The following PCDHA6 variants were observed in gnomAD, a reference collection of about 807,000 sequenced individuals.
PCDHA6 encodes the protein protocadherin alpha-6.
Under a neutral mutation model 60.3 loss-of-function variants are expected in PCDHA6, and 55 were observed. The ratio of observed to expected loss-of-function variants is 0.91; its 90% CI spans 0.73 to 1.14. PCDHA6 has a LOEUF of 1.14. PCDHA6 is among the 50% of genes most tolerant of loss of function. The pLI is 0.00. For synonymous variants in PCDHA6, 652 were observed against 557.9 expected (o/e 1.17, Z -2.38); for missense variants, 1,327 against 1,256.5 (o/e 1.06, Z -0.85).
intron 1 of PCDHA6, chr5:140,835,737 G>A: frequency 6.2e-7 from 1 of 1,613,716 alleles, no homozygotes; most frequent in Non-Finnish European, 8.5e-7. Flanking sequence ...GAACGACAAC[G>A]CCCCGGCGTT....
chr5:141,004,632 GA>G (rs1401867459), intron 3 of PCDHA6, among the ~76,000 whole-genome samples: 19 of 152,200 alleles, frequency 1.2e-4, no homozygotes, highest in African/African-American at 3.4e-4. Context: ...TATGGTTGAA[GA>G]AAAATTTCCA....
At chr5:140,901,697 C>T (rs57431111) in intron 1 of PCDHA6, among the ~76,000 whole-genome samples, 1,867 of 152,140 alleles carry the variant, frequency 0.012, 40 homozygotes, top group African/African-American at 0.043. Context: ...TTTTGTAGTT[C>T]TATATACATT....
intron 1 of PCDHA6, among the ~76,000 whole-genome samples, chr5:140,970,086 G>T (rs1263388270): frequency 6.6e-6 from 1 of 152,102 alleles, no homozygotes; most frequent in Non-Finnish European, 1.5e-5. Flanking sequence ...TTAGGGGTGT[G>T]GGGGGATGGT....
chr5:140,858,857 T>G (rs1461225886), intron 1 of PCDHA6: 1 of 267,642 alleles, frequency 3.7e-6, no homozygotes, highest in African/African-American at 2.3e-5. Flanking sequence ...CTATATCTCT[T>G]CAGTGAAAAT....
At chr5:140,833,827 G>C (rs2150211606) in intron 1 of PCDHA6, among the ~76,000 whole-genome samples, 3 of 152,222 alleles carry the variant, frequency 2.0e-5, no homozygotes, top group African/African-American at 7.2e-5. Flanking sequence ...GTCCCTAAAA[G>C]AGTACAGGAT....
intron 1 of PCDHA6, among the ~76,000 whole-genome samples, chr5:140,921,323 G>C (rs192159885): frequency 7.2e-4 from 109 of 151,970 alleles, no homozygotes; most frequent in African/African-American, 2.6e-3. Context: ...GAGCTAATCT[G>C]TCTGGTCCAA....
rs147351924 is a variant in PCDHA6, at chr5:141,009,782, C to T, written c.2698C>T (p.Arg900Trp). 27 of 1,613,956 alleles carry T rather than the reference C, an allele frequency of 1.7e-5. No homozygotes were observed. The highest frequency in any genetic ancestry group is 9.9e-5 in the South Asian group (9 of 91,070). ...AGGATCTCCTGCAATCATCTCCATCCGGCAGGAGCCTACTAACAGCCAAAT... is the reference window on the plus strand; with the variant it reads ...AGGATCTCCTGCAATCATCTCCATCTGGCAGGAGCCTACTAACAGCCAAAT... ...IPGSPAIISI[R>W]QEPTNSQIDK... is the part of the protein sequence containing the mutation. The change falls in exon 4 of 4, where the codon CGG becomes TGG. Residue 900 changes from arginine (R) to tryptophan (W), a missense_variant. Coordinates refer to ENST00000529310, the MANE Select transcript of PCDHA6 (RefSeq NM_018909.4).
At chr5:140,989,656 A>T (rs2153884121) in intron 3 of PCDHA6, among the ~76,000 whole-genome samples, 1 of 152,326 alleles carries the variant, frequency 6.6e-6, no homozygotes, top group Non-Finnish European at 1.5e-5. Context: ...GCAATATTTT[A>T]AAAGAAACTC....
intron 1 of PCDHA6, among the ~76,000 whole-genome samples, chr5:140,952,764 G>A (rs1554220603): frequency 6.6e-6 from 1 of 152,116 alleles, no homozygotes; most frequent in Non-Finnish European, 1.5e-5. Flanking sequence ...CCTGAGACTG[G>A]ATAATTTAGA....
intron 1 of PCDHA6, among the ~76,000 whole-genome samples, chr5:140,900,094 G>A (rs546671178): frequency 3.6e-4 from 55 of 152,150 alleles, no homozygotes; most frequent in East Asian, 2.3e-3. Context: ...ACAAGCATGC[G>A]CCACCATACC....
intron 1 of PCDHA6, chr5:140,928,022 G>A: frequency 6.2e-7 from 1 of 1,614,200 alleles, no homozygotes; most frequent in Non-Finnish European, 8.5e-7. Flanking sequence ...AGGGTCATTT[G>A]TGGCATGTCT....
intron 1 of PCDHA6, among the ~76,000 whole-genome samples, chr5:140,890,662 C>T (rs75284753): frequency 0.011 from 1,622 of 152,252 alleles, 17 homozygotes; most frequent in African/African-American, 0.028. Flanking sequence ...CAAAAGTTAA[C>T]TGAAACCCTT....
At chr5:140,884,908 T>C (rs1056953779) in intron 1 of PCDHA6, among the ~76,000 whole-genome samples, 1 of 152,234 alleles carries the variant, frequency 6.6e-6, no homozygotes, top group Admixed American at 6.5e-5. Flanking sequence ...TGTTGTATTC[T>C]TAATAGTTCT....
rs551245842 is a variant in PCDHA6, at chr5:140,927,508, C to G, written c.2395-51441C>G. 3.7e-6 allele frequency: 6 copies of G among 1,614,074 alleles called. No individual in the cohort carries two copies. In the Admixed American group the frequency reaches 5.0e-5, roughly 13 times the overall value. ...CACCCACCTGCTGGTGCTTACAGCT[C>G]GGGACGGCGGGCTACCTGCCCGCTC... On this transcript the variant is annotated intron_variant, in intron 1 of 3. Coordinates refer to ENST00000529310, the MANE Select transcript of PCDHA6 (RefSeq NM_018909.4).
chr5:140,870,554 A>G (rs1554164402), intron 1 of PCDHA6: 1 of 1,614,044 alleles, frequency 6.2e-7, no homozygotes, highest in Non-Finnish European at 8.5e-7. Flanking sequence ...GCGGACGCGC[A>G]GGAGAACGCG....
intron 3 of PCDHA6, among the ~76,000 whole-genome samples, chr5:140,996,315 G>A (rs2097722113): frequency 6.6e-6 from 1 of 152,188 alleles, no homozygotes; most frequent in African/African-American, 2.4e-5. Flanking sequence ...AGTAAGGGGG[G>A]AGGGTAGAGA....
chr5:140,877,807 T>C, intron 1 of PCDHA6: 1 of 1,611,556 alleles, frequency 6.2e-7, no homozygotes, highest in Non-Finnish European at 8.5e-7. Context: ...CCTTCAGCTG[T>C]CTCGAGAAGA....
rs2150386849 is a variant in PCDHA6, at chr5:140,846,316, A to G, written c.2394+15831A>G. ...TGAATTAAGTAAACCATTTATGTAG[A>G]GTGTTGTAAATAGCCTTTTAAAGTG... On this transcript the variant is annotated intron_variant, in intron 1 of 3. Transcript: ENST00000529310. 2.4e-3 allele frequency among the ~76,000 whole-genome samples: 359 copies of G among 147,560 alleles called. 12 individuals carry two copies. Among genetic ancestry groups the G allele is most frequent in the African/African-American group, 8.0e-3 (325 of 40,542 alleles).
chr5:140,869,481 TAACG>T (rs1306564737), intron 1 of PCDHA6: 1 of 1,613,970 alleles, frequency 6.2e-7, no homozygotes, highest in African/African-American at 1.3e-5. Flanking sequence ...TGAAGGACAT[TAACG>T]ACAACCCGCC....
Sources: allele counts gnomAD v4.1 joint callset (sites outside exome capture counted in the v4.1 genomes callset), GRCh38; gene constraint gnomAD v4.1.1; transcripts MANE v1.5; gene names NCBI Gene and HGNC (gene_info 2026-07-23, HGNC 2026-07-21).